The following GNB4 variants were observed in gnomAD, a reference collection of about 807,000 sequenced individuals.
The protein encoded by GNB4 is G protein subunit beta 4, also known as guanine nucleotide-binding protein subunit beta-4.
A neutral mutation model predicts 45.2 loss-of-function variants in GNB4; 28 were observed. The ratio of observed to expected loss-of-function variants is 0.62; its 90% CI spans 0.46 to 0.85. The LOEUF (loss-of-function observed/expected upper bound fraction) is 0.85, where lower values mean the gene tolerates loss of function less well. Ranked by LOEUF, GNB4 falls within the 40% of genes least tolerant of loss-of-function variation. GNB4 has a pLI of 0.00. For synonymous variants in GNB4, 132 were observed against 143.7 expected, an observed-to-expected ratio of 0.92 and a Z score of 0.58; for missense variants, 321 against 425.4, an observed-to-expected ratio of 0.75 and a Z score of 2.16.
rs193199546 is a variant in GNB4 at position 179,431,510 on chromosome 3, G to A, written c.-42-5268C>T. ...GGATGCAGAGGCTGCAGTGAGCTGA[G>A]ATTGCGCCACTGCACTCCAGCCTGG... On this transcript the variant is annotated intron_variant, in intron 1 of 9. Coordinates refer to ENST00000232564, the MANE Select transcript of GNB4 (RefSeq NM_021629.4). Among the ~76,000 whole-genome samples the A allele has an allele frequency of 3.8e-4, 56 of 147,090 alleles. No homozygotes were observed. In the East Asian group the frequency reaches 0.01, roughly 27 times the overall value.
chr3:179,464,676 G>A, the GNB4 span: 66 of 1,083,962 alleles, frequency 6.1e-5, 1 homozygote, highest in South Asian at 8.1e-4. Context: ...AATTTCAGAG[G>A]AAGAATTGTT....
the GNB4 span, among the ~76,000 whole-genome samples, chr3:179,480,718 A>G: frequency 2.6e-5 from 4 of 152,092 alleles, no homozygotes; most frequent in African/African-American, 9.7e-5. Context: ...CAAAACTCCC[A>G]CAGATTTAAC....
chr3:179,468,222 G>T, the GNB4 span, among the ~76,000 whole-genome samples: 2 of 151,080 alleles, frequency 1.3e-5, no homozygotes, highest in Non-Finnish European at 2.9e-5. Flanking sequence ...AAGACCTGGC[G>T]CAGTGGCTCA....
chr3:179,464,876 T>C, the GNB4 span: 9 of 1,402,278 alleles, frequency 6.4e-6, no homozygotes, highest in East Asian at 2.3e-5. Flanking sequence ...GGCTACCCCA[T>C]GCGGTGTGTG....
chr3:179,430,330 C>A (rs1055168961), intron 1 of GNB4, among the ~76,000 whole-genome samples: 1 of 152,020 alleles, frequency 6.6e-6, no homozygotes, highest in Non-Finnish European at 1.5e-5. Context: ...CTCAAGCGAT[C>A]CCCCCCACCT....
chr3:179,412,726 T>A (rs1474470544), intron 8 of GNB4, among the ~76,000 whole-genome samples: 2 of 152,090 alleles, frequency 1.3e-5, no homozygotes, highest in African/African-American at 4.8e-5. Flanking sequence ...GCTTTTTTCA[T>A]CCTTATTGTT....
the GNB4 span, among the ~76,000 whole-genome samples, chr3:179,510,441 G>C: frequency 1.3e-5 from 2 of 152,134 alleles, no homozygotes; most frequent in Non-Finnish European, 2.9e-5. Flanking sequence ...CTGGCTTCCT[G>C]TCTGCATTGG....
At chr3:179,469,431 A>C in the GNB4 span, among the ~76,000 whole-genome samples, 1 of 152,194 alleles carries the variant, frequency 6.6e-6, no homozygotes, top group Non-Finnish European at 1.5e-5. Flanking sequence ...ATACTTTTTT[A>C]ATTGAACAAA....
intron 1 of GNB4, among the ~76,000 whole-genome samples, chr3:179,430,332 C>T (rs1295610274): frequency 6.6e-6 from 1 of 151,520 alleles, no homozygotes; most frequent in Admixed American, 6.6e-5. Context: ...CAAGCGATCC[C>T]CCCCACCTGA....
chr3:179,447,094 G>C (rs1478110664), intron 1 of GNB4, among the ~76,000 whole-genome samples: 2 of 152,144 alleles, frequency 1.3e-5, no homozygotes, highest in East Asian at 3.9e-4. Flanking sequence ...AGAGGTTAGA[G>C]GGTGACGAGG....
the GNB4 span, among the ~76,000 whole-genome samples, chr3:179,518,955 G>A: frequency 1.1e-3 from 162 of 152,282 alleles, 1 homozygote; most frequent in African/African-American, 3.7e-3. Flanking sequence ...AATTAACCTC[G>A]CCTTCAAGGT....
the GNB4 span, among the ~76,000 whole-genome samples, chr3:179,516,900 T>C: frequency 6.6e-6 from 1 of 152,194 alleles, no homozygotes; most frequent in Non-Finnish European, 1.5e-5. Flanking sequence ...AGTGATGGGA[T>C]CTGATGCCTT....
At chr3:179,433,811 A>G (rs1245109357) in intron 1 of GNB4, among the ~76,000 whole-genome samples, 1 of 152,258 alleles carries the variant, frequency 6.6e-6, no homozygotes, top group African/African-American at 2.4e-5. Context: ...ATGAATCATT[A>G]AAAAGACTAA....
At chr3:179,470,545 T>A in the GNB4 span, among the ~76,000 whole-genome samples, 1,575 of 149,472 alleles carry the variant, frequency 0.011, 14 homozygotes, top group Non-Finnish European at 0.017. Flanking sequence ...AAGAAAAAAA[T>A]ATATATATAT....
the GNB4 span, among the ~76,000 whole-genome samples, chr3:179,525,742 G>T: frequency 1.3e-5 from 2 of 152,130 alleles, no homozygotes; most frequent in African/African-American, 4.8e-5. Context: ...AGAGGAAAAA[G>T]AACTGGAATT....
At chr3:179,491,687 G>T in the GNB4 span, among the ~76,000 whole-genome samples, 1 of 152,148 alleles carries the variant, frequency 6.6e-6, no homozygotes, top group African/African-American at 2.4e-5. Flanking sequence ...AGCCATCCCA[G>T]ACATGTTTCA....
the GNB4 span, among the ~76,000 whole-genome samples, chr3:179,523,269 G>C: frequency 6.6e-6 from 1 of 152,146 alleles, no homozygotes. Flanking sequence ...TGAAGTAATG[G>C]GGGCTGTCCA....
At chr3:179,466,760 G>T in the GNB4 span, among the ~76,000 whole-genome samples, 6 of 152,178 alleles carry the variant, frequency 3.9e-5, no homozygotes, top group Admixed American at 1.3e-4. Flanking sequence ...TAAAATGTTT[G>T]TGTATATACA....
the GNB4 span, among the ~76,000 whole-genome samples, chr3:179,490,361 G>T: frequency 1.8e-4 from 28 of 152,158 alleles, no homozygotes; most frequent in Non-Finnish European, 2.2e-4. Flanking sequence ...AGGCCCTGTG[G>T]TAGTTAGGAT....
Sources: gnomAD v4.1 joint callset for allele counts (sites outside exome capture counted in the v4.1 genomes callset) on GRCh38, gnomAD v4.1.1 for gene constraint, MANE v1.5 for transcripts, NCBI Gene and HGNC (gene_info 2026-07-23, HGNC 2026-07-21) for gene names.